Variants in TNKS2 observed in about 807,000 individuals in gnomAD.
The protein encoded by TNKS2 is tankyrase 2.
Under a neutral mutation model 137.6 loss-of-function variants are expected in TNKS2, and 72 were observed. The observed-to-expected ratio is 0.52, with a 90% CI of 0.43 to 0.64. TNKS2 has a LOEUF of 0.64. TNKS2 is among the 30% of genes least tolerant of loss of function. The pLI, the probability that TNKS2 is intolerant of heterozygous loss-of-function variation, is 0.00. For missense variants in TNKS2, 1,049 were observed against 1,410.2 expected, an observed-to-expected ratio of 0.74 and a Z score of 4.10; for synonymous variants, 516 against 512.1, an observed-to-expected ratio of 1.01 and a Z score of -0.10.
chr10:91,848,494 G>T lies in TNKS2; in HGVS notation c.2470G>T (p.Ala824Ser). The change falls in exon 19 of 27, where the codon GCT becomes TCT. Residue 824 changes from alanine (A) to serine (S), a missense_variant. Physicochemically the swap from Ala to Ser is moderately conservative, Grantham distance 99. Coordinates refer to ENST00000371627, the MANE Select transcript of TNKS2 (RefSeq NM_025235.4). ...GVRSPGATAD[A>S]LSSGPSSPSS... is the part of the protein sequence containing the mutation. ...GAGAAGCCCAGGAGCCACTGCAGATGCTCTCTCTTCAGGTCCATCTAGCCC... is the reference window on the plus strand; with the variant it reads ...GAGAAGCCCAGGAGCCACTGCAGATTCTCTCTCTTCAGGTCCATCTAGCCC... 1 of 1,614,142 alleles carries T rather than the reference G, an allele frequency of 6.2e-7. No individual in the cohort carries two copies. The highest frequency in any genetic ancestry group is 8.5e-7 in the Non-Finnish European group (1 of 1,180,036).
Position 91,798,650 on chromosome 10 carries a change from G to GGTTGCTGGCGCT in TNKS2, c.-31_-20dup. 9 of 1,216,910 alleles carry GGTTGCTGGCGCT rather than the reference G, an allele frequency of 7.4e-6. No individual in the cohort carries two copies. The highest frequency in any genetic ancestry group is 9.2e-6 in the Non-Finnish European group (9 of 977,592). 75.4% of individuals were successfully genotyped at this position (1,216,910 alleles called of 1,614,324 possible). On this transcript the variant is annotated 5_prime_UTR_variant, in exon 1 of 27. Transcript: ENST00000371627. ...CTCGCGGGGCCGGGGCTCCTGCTCC[G>GGTTGCTGGCGCT]GTTGCTGGCGCTGTTGCTGGCTGTG...
At chr10:91,850,380 A>G (rs1379349720) in intron 20 of TNKS2, among the ~76,000 whole-genome samples, 2 of 151,210 alleles carry the variant, frequency 1.3e-5, no homozygotes, top group South Asian at 4.2e-4. Flanking sequence ...AAAAAAAAAA[A>G]AAAAGAACAT....
Position 91,840,537 on chromosome 10 carries a change from T to C in TNKS2, c.1528-24T>C, listed in dbSNP as rs201946788. 1,266 of 1,595,600 alleles carry C rather than the reference T, an allele frequency of 7.9e-4. 1 individual carries two copies. Among genetic ancestry groups the C allele is most frequent in the Non-Finnish European group, 1.0e-3 (1,202 of 1,170,246 alleles). On this transcript the variant is annotated intron_variant, in intron 13 of 26. Coordinates refer to ENST00000371627, the MANE Select transcript of TNKS2 (RefSeq NM_025235.4). ...ATAACAATATGTAGATGTAGTATCA[T>C]GTATGTTGTGTTTTGTCCTTCAGAA...
chr10:91,805,302 G>C (rs549857374), intron 1 of TNKS2, among the ~76,000 whole-genome samples: 2 of 152,282 alleles, frequency 1.3e-5, no homozygotes, highest in African/African-American at 4.8e-5. Context: ...TCAGTCACCA[G>C]ACTGGTTTCA....
intron 1 of TNKS2, among the ~76,000 whole-genome samples, chr10:91,806,186 G>C (rs944014893): frequency 6.6e-6 from 1 of 151,760 alleles, no homozygotes. Flanking sequence ...ATATTTCAAT[G>C]TAGTGCCTTC....
intron 1 of TNKS2, among the ~76,000 whole-genome samples, chr10:91,809,867 G>A (rs1440072238): frequency 6.6e-6 from 1 of 152,130 alleles, no homozygotes; most frequent in East Asian, 1.9e-4. Context: ...AACTAATGAT[G>A]TGTTGTAGCA....
chr10:91,806,042 C>CTTTTTTTTTTT (rs34004456), intron 1 of TNKS2, among the ~76,000 whole-genome samples: 18 of 130,010 alleles, frequency 1.4e-4, no homozygotes, highest in Non-Finnish European at 2.6e-4. Context: ...CATTCTTTCT[C>CTTTTTTTTTTT]TTTTTTTTTT....
At chr10:91,800,287 A>G (rs1844122289) in intron 1 of TNKS2, among the ~76,000 whole-genome samples, 1 of 152,230 alleles carries the variant, frequency 6.6e-6, no homozygotes, top group Non-Finnish European at 1.5e-5. Flanking sequence ...CTGTTTGACC[A>G]TGTAGTCAAC....
intron 21 of TNKS2, among the ~76,000 whole-genome samples, chr10:91,853,178 A>G (rs1461431088): frequency 6.6e-6 from 1 of 152,208 alleles, no homozygotes; most frequent in African/African-American, 2.4e-5. Context: ...TGTGTATTAA[A>G]CATATCATAG....
chr10:91,818,669 A>T (rs1844787063), intron 3 of TNKS2, among the ~76,000 whole-genome samples: 1 of 152,012 alleles, frequency 6.6e-6, no homozygotes, highest in Non-Finnish European at 1.5e-5. Context: ...AGTAGCTGGG[A>T]TTGCAGGCGT....
At chr10:91,845,272 G>A (rs1484215722) in intron 17 of TNKS2, among the ~76,000 whole-genome samples, 1 of 152,208 alleles carries the variant, frequency 6.6e-6, no homozygotes, top group Admixed American at 6.5e-5. Flanking sequence ...TCAGTGAGAT[G>A]TTGGTGATTG....
intron 1 of TNKS2, among the ~76,000 whole-genome samples, chr10:91,804,936 A>G (rs967642309): frequency 6.6e-6 from 1 of 151,854 alleles, no homozygotes; most frequent in African/African-American, 2.4e-5. Context: ...GCTAATTTTT[A>G]TATTTTTAGT....
chr10:91,817,270 GAACA>G (rs763574757), intron 3 of TNKS2, 41 bp downstream of exon 3: 40 of 1,480,754 alleles, frequency 2.7e-5, no homozygotes. Flanking sequence ...AGCCTGTAAA[GAACA>G]ACCTTGCCAG....
intron 12 of TNKS2, chr10:91,836,534 T>A (rs1842023361): frequency 1.5e-6 from 1 of 678,440 alleles, no homozygotes. Context: ...CTTGTTCCAG[T>A]TCAGATAGCT....
chr10:91,855,810 C>CT (rs1842689173), intron 23 of TNKS2, 122 bp downstream of exon 23: 2 of 596,238 alleles, frequency 3.4e-6, no homozygotes, highest in Admixed American at 7.2e-5. Flanking sequence ...GCATCAGAGA[C>CT]TATTTTGGGA....
chr10:91,855,770 A>G, intron 23 of TNKS2, 82 bp downstream of exon 23: 2 of 1,022,400 alleles, frequency 2.0e-6, no homozygotes, highest in Non-Finnish European at 2.9e-6. Flanking sequence ...TAAGAATCTA[A>G]TCTGTCTAGC....
At chr10:91,802,375 G>A (rs909793502) in intron 1 of TNKS2, among the ~76,000 whole-genome samples, 2 of 152,366 alleles carry the variant, frequency 1.3e-5, no homozygotes, top group East Asian at 1.9e-4. Context: ...CAAAGAGTGA[G>A]TGGATATTAC....
intron 1 of TNKS2, among the ~76,000 whole-genome samples, chr10:91,805,751 A>C (rs1275219114): frequency 6.6e-6 from 1 of 152,218 alleles, no homozygotes; most frequent in African/African-American, 2.4e-5. Context: ...ACATCAAATA[A>C]CTTTATAGAG....
intron 13 of TNKS2, among the ~76,000 whole-genome samples, chr10:91,840,173 C>T (rs1157011563): frequency 1.1e-4 from 16 of 152,170 alleles, no homozygotes; most frequent in Non-Finnish European, 1.5e-4. Context: ...AACCCCGCCT[C>T]TACTAAAAAT....
Sources: allele counts gnomAD v4.1 joint callset (sites outside exome capture counted in the v4.1 genomes callset), GRCh38; gene constraint gnomAD v4.1.1; transcripts MANE v1.5; gene names NCBI Gene and HGNC (gene_info 2026-07-23, HGNC 2026-07-21).